SPMIP5: variants seen among roughly 807,000 people sequenced by gnomAD.
The protein encoded by SPMIP5 is sperm-associated microtubule inner protein 5.
chr10:116,663,937 G>C, the SPMIP5 span: 5 of 1,537,326 alleles, frequency 3.3e-6, no homozygotes, highest in East Asian at 1.2e-4. Flanking sequence ...GGAGGACAGT[G>C]GCTCTAGATA....
At chr10:116,665,811 A>C in the SPMIP5 span, 1,342 of 1,611,550 alleles carry the variant, frequency 8.3e-4, 8 homozygotes, top group African/African-American at 0.016. Flanking sequence ...TTGGCAGCTG[A>C]GGAATGGCAC....
the SPMIP5 span, chr10:116,668,134 G>A: frequency 0.48 from 446,009 of 920,836 alleles, 109,765 homozygotes; most frequent in South Asian, 0.59. Flanking sequence ...GCATGTCTGA[G>A]AAGCTAGAGC....
the SPMIP5 span, among the ~76,000 whole-genome samples, chr10:116,667,467 C>T: frequency 6.6e-6 from 1 of 152,208 alleles, no homozygotes; most frequent in South Asian, 2.1e-4. Flanking sequence ...CTTACAGTCT[C>T]ATCGACAGTG....
chr10:116,668,695 C>A, the SPMIP5 span, among the ~76,000 whole-genome samples: 1 of 151,950 alleles, frequency 6.6e-6, no homozygotes, highest in African/African-American at 2.4e-5. Context: ...CCCAGAAGCC[C>A]CTGTGTTAGG....
chr10:116,664,111 A>C, the SPMIP5 span: 1 of 1,613,726 alleles, frequency 6.2e-7, no homozygotes, highest in East Asian at 2.2e-5. Context: ...CAGAAAGGCC[A>C]CTGCAAACAT....
chr10:116,665,975 A>G, the SPMIP5 span: 2 of 703,630 alleles, frequency 2.8e-6, no homozygotes, highest in South Asian at 3.9e-5. Flanking sequence ...CATTAATACA[A>G]GCAGTGCTGT....
the SPMIP5 span, chr10:116,664,268 T>C: frequency 1.3e-6 from 2 of 1,587,624 alleles, no homozygotes; most frequent in African/African-American, 1.3e-5. Flanking sequence ...TAACTCCATA[T>C]ATTCTAAAAC....
the SPMIP5 span, among the ~76,000 whole-genome samples, chr10:116,667,755 C>T: frequency 6.6e-6 from 1 of 152,186 alleles, no homozygotes; most frequent in Non-Finnish European, 1.5e-5. Flanking sequence ...TGAGGAGTTT[C>T]CCAAATGCAA....
At chr10:116,665,498 G>C in the SPMIP5 span, 1 of 907,892 alleles carries the variant, frequency 1.1e-6, no homozygotes, top group Non-Finnish European at 1.7e-6. Flanking sequence ...GCTGACCCCT[G>C]GGATTTGGAA....
At chr10:116,663,783 G>A in the SPMIP5 span, 3 of 1,113,696 alleles carry the variant, frequency 2.7e-6, no homozygotes, top group African/African-American at 4.7e-5. Context: ...CAGGATGCAG[G>A]CGGCAGTTAA....
chr10:116,668,324 CT>C, the SPMIP5 span: 2 of 1,608,808 alleles, frequency 1.2e-6, no homozygotes, highest in Non-Finnish European at 1.7e-6. Flanking sequence ...ATTTCGCTCT[CT>C]GTTAGTGGAG....
chr10:116,664,395 C>CCTTTAG, the SPMIP5 span: 1 of 864,252 alleles, frequency 1.2e-6, no homozygotes, highest in Non-Finnish European at 1.7e-6. Flanking sequence ...TATTTCTTTA[C>CCTTTAG]AATTTATTCT....
chr10:116,668,451 G>A, the SPMIP5 span: 52 of 770,810 alleles, frequency 6.7e-5, no homozygotes, highest in Middle Eastern at 6.9e-4. Flanking sequence ...CTGAGAGGCA[G>A]CACTACCACC....
chr10:116,665,542 A>G, the SPMIP5 span: 1 of 1,477,260 alleles, frequency 6.8e-7, no homozygotes, highest in South Asian at 1.3e-5. Context: ...GGGGCAGCTC[A>G]GCTGGCCTAT....
the SPMIP5 span, chr10:116,664,235 C>T: frequency 1.8e-4 from 285 of 1,611,200 alleles, no homozygotes; most frequent in Middle Eastern, 1.2e-3. Flanking sequence ...CTTTTGGAGA[C>T]GGAGCAGAAG....
At chr10:116,664,965 G>A in the SPMIP5 span, 3 of 1,593,270 alleles carry the variant, frequency 1.9e-6, no homozygotes, top group Admixed American at 1.8e-5. Context: ...AAGACACCAT[G>A]GCACAGAGAA....
the SPMIP5 span, among the ~76,000 whole-genome samples, chr10:116,666,759 G>C: frequency 1.1e-3 from 165 of 152,264 alleles, no homozygotes; most frequent in African/African-American, 3.8e-3. Context: ...GAAGACCCTA[G>C]GGGCTTTGCC....
the SPMIP5 span, among the ~76,000 whole-genome samples, chr10:116,666,339 T>A: frequency 6.6e-6 from 1 of 152,190 alleles, no homozygotes; most frequent in African/African-American, 2.4e-5. Flanking sequence ...AGCACAATTT[T>A]TCACCATTTC....
chr10:116,665,173 G>C, the SPMIP5 span: 1 of 1,218,618 alleles, frequency 8.2e-7, no homozygotes, highest in Non-Finnish European at 1.0e-6. Context: ...GAGGCAGGCA[G>C]ATCACCTGAG....
Sources: allele counts gnomAD v4.1 joint callset (sites outside exome capture counted in the v4.1 genomes callset), GRCh38; gene constraint gnomAD v4.1.1; transcripts MANE v1.5; gene names NCBI Gene and HGNC (gene_info 2026-07-23, HGNC 2026-07-21).